PDSS1: variants seen among roughly 807,000 people sequenced by gnomAD.
The protein encoded by PDSS1 is all trans-polyprenyl-diphosphate synthase PDSS1.
In PDSS1, 43 loss-of-function variants were observed where a neutral mutation model predicts 57.5. That is an observed-to-expected ratio of 0.75 (90% confidence interval 0.59 to 0.96). The LOEUF is 0.96. Among genes scored for constraint, PDSS1 ranks in the 50% least tolerant of loss-of-function variants. PDSS1 has a pLI of 0.00. For synonymous variants in PDSS1, 175 were observed against 191.3 expected, an observed-to-expected ratio of 0.91 and a Z score of 0.70; for missense variants, 438 against 527.8, an observed-to-expected ratio of 0.83 and a Z score of 1.67.
chr10:26,727,595 A>T (rs1387475708), intron 8 of PDSS1, among the ~76,000 whole-genome samples: 1 of 151,538 alleles, frequency 6.6e-6, no homozygotes, highest in Non-Finnish European at 1.5e-5. Context: ...TCCCAGGTTC[A>T]AGTGATTCTC....
Position 26,746,389 on chromosome 10 carries a change from A to G in PDSS1, c.1164A>G (p.Ile388Met). Residue 388 changes from isoleucine (I) to methionine (M), a missense_variant, in exon 12 of 12, where the codon ATA becomes ATG. Coordinates refer to ENST00000376215, the MANE Select transcript of PDSS1 (RefSeq NM_014317.5). ...CCCAGCAGTACTGCCATGAAGCAAT[A>G]AGAGAGATCAGTAAACTTCGACCAT... ...YLAQQYCHEAIREISKLRPSP... is the reference protein window; with the variant it reads ...YLAQQYCHEAMREISKLRPSP... 1 of 1,614,044 alleles carries G rather than the reference A, an allele frequency of 6.2e-7. No individual in the cohort carries two copies. The highest frequency in any genetic ancestry group is 8.5e-7 in the Non-Finnish European group (1 of 1,179,904).
chr10:26,699,689 G>A (rs1035653085), intron 1 of PDSS1, among the ~76,000 whole-genome samples: 5 of 152,066 alleles, frequency 3.3e-5, no homozygotes, highest in Admixed American at 1.3e-4. Context: ...GAGCCACCAC[G>A]CCTGGCCTGA....
At chr10:26,739,320 CAG>C (rs1359054974) in intron 10 of PDSS1, among the ~76,000 whole-genome samples, 1 of 152,202 alleles carries the variant, frequency 6.6e-6, no homozygotes. Context: ...CCTGAGCAAA[CAG>C]AATTTTTATT....
chr10:26,705,300 C>T lies in PDSS1; in HGVS notation c.242C>T (p.Thr81Ile). 1.9e-6 allele frequency: 3 copies of T among 1,609,254 alleles called. No homozygotes were observed. The highest frequency in any genetic ancestry group is 2.6e-6 in the Non-Finnish European group (3 of 1,175,816). Residue 81 changes from threonine (T) to isoleucine (I), a missense_variant, in exon 4 of 12, where the codon ACC becomes ATC. Around this residue, in one of 2 missense-constraint regions of PDSS1, gnomAD observed 154 missense variants for 137.0 expected, o/e 1.12. Coordinates refer to ENST00000376215, the MANE Select transcript of PDSS1 (RefSeq NM_014317.5). ...GCATGTCCCAGGTTTCATCACACAA[C>T]CCCAGACAGTAAAACACACAGTGGT... ...VCRISRFHHT[T>I]PDSKTHSGEK...
At chr10:26,710,154 TAA>T (rs1369987440) in intron 5 of PDSS1, among the ~76,000 whole-genome samples, 1 of 42,676 alleles carries the variant, frequency 2.3e-5, no homozygotes. Context: ...ACTCTTGTCT[TAA>T]AAAAAAAAAA....
intron 5 of PDSS1, among the ~76,000 whole-genome samples, chr10:26,714,286 C>T (rs979409500): frequency 1.3e-5 from 2 of 152,058 alleles, no homozygotes; most frequent in Non-Finnish European, 2.9e-5. Context: ...CTAGCCTGGC[C>T]AACATGGTGA....
intron 1 of PDSS1, among the ~76,000 whole-genome samples, 168 bp downstream of exon 1, chr10:26,698,008 G>A (rs1245576275): frequency 2.6e-5 from 4 of 151,818 alleles, no homozygotes; most frequent in Non-Finnish European, 4.4e-5. Context: ...GGTGCTCGCG[G>A]TGGGACGGAG....
At chr10:26,742,671 T>C in intron 11 of PDSS1, 94 bp downstream of exon 11, 2 of 753,036 alleles carry the variant, frequency 2.7e-6, no homozygotes, top group East Asian at 2.6e-5. Context: ...CATTAAATTA[T>C]AGATACAAGA....
At chr10:26,739,268 C>CA (rs1481062336) in intron 10 of PDSS1, among the ~76,000 whole-genome samples, 2 of 152,160 alleles carry the variant, frequency 1.3e-5, no homozygotes, top group Non-Finnish European at 2.9e-5. Flanking sequence ...GAGTTACAAC[C>CA]CGATTTATCC....
At chr10:26,723,980 C>T (rs1362618971) in intron 7 of PDSS1, 34 bp from the exon 8 acceptor site, 5 of 1,587,116 alleles carry the variant, frequency 3.2e-6, no homozygotes, top group Non-Finnish European at 4.3e-6. Context: ...GGCAATAAAG[C>T]CACCTCTCAA....
In PDSS1 at chr10:26,723,791, CCT is replaced by C. The variant is rs780525379; in HGVS notation, c.610-14_610-13del. 1.9e-5 allele frequency: 29 copies of C among 1,553,302 alleles called. No individual in the cohort carries two copies. The highest frequency in any genetic ancestry group is 1.2e-4 in the Admixed American group (7 of 59,938). ...ATTTTTCAGAACGTTCTGTTTTCCC[CCT>C]GTCTTTTTCTAGGCTGTTCTTGCTG... On this transcript the variant is annotated splice_polypyrimidine_tract_variant and intron_variant, in intron 6 of 11. Transcript: ENST00000376215.
intron 11 of PDSS1, among the ~76,000 whole-genome samples, chr10:26,743,298 A>G (rs890547264): frequency 1.3e-5 from 2 of 152,202 alleles, no homozygotes; most frequent in African/African-American, 4.8e-5. Flanking sequence ...TTTGCAGCCA[A>G]CAGATCTACT....
chr10:26,697,869 G>T (rs1156866893), intron 1 of PDSS1, 29 bp downstream of exon 1: 1 of 1,272,798 alleles, frequency 7.9e-7, no homozygotes, highest in Non-Finnish European at 9.9e-7. Flanking sequence ...CGCCCGGCGG[G>T]GCTCAGAGGT....
chr10:26,698,493 C>G (rs984826060), intron 1 of PDSS1, among the ~76,000 whole-genome samples: 4 of 152,080 alleles, frequency 2.6e-5, no homozygotes, highest in Non-Finnish European at 4.4e-5. Flanking sequence ...CAGCGATAGC[C>G]CATTCTTTCA....
intron 5 of PDSS1, among the ~76,000 whole-genome samples, chr10:26,718,529 G>A (rs1449784941): frequency 6.6e-6 from 1 of 152,128 alleles, no homozygotes; most frequent in African/African-American, 2.4e-5. Flanking sequence ...GGGAAGCTGA[G>A]GTGGGTGGAT....
chr10:26,708,218 C>T (rs562036691), intron 4 of PDSS1, among the ~76,000 whole-genome samples: 1 of 152,212 alleles, frequency 6.6e-6, no homozygotes, highest in Non-Finnish European at 1.5e-5. Flanking sequence ...ACTGAATGAA[C>T]GATGGGCCCA....
At chr10:26,741,475 GA>G (rs1285706733) in intron 10 of PDSS1, among the ~76,000 whole-genome samples, 12 of 151,840 alleles carry the variant, frequency 7.9e-5, no homozygotes, top group African/African-American at 2.4e-4. Flanking sequence ...GATGGAGCAA[GA>G]CTCCATCACA....
intron 8 of PDSS1, among the ~76,000 whole-genome samples, chr10:26,730,641 A>G (rs1836156526): frequency 6.6e-6 from 1 of 152,028 alleles, no homozygotes; most frequent in Non-Finnish European, 1.5e-5. Context: ...AATAAAAGAC[A>G]TTAATGTAGC....
chr10:26,709,629 T>G lies in PDSS1; in HGVS notation c.337-9T>G. On this transcript the variant is annotated splice_polypyrimidine_tract_variant and intron_variant, in intron 4 of 11. Coordinates refer to ENST00000376215, the MANE Select transcript of PDSS1 (RefSeq NM_014317.5). ...GATGCCATTGTGACACAGAGAAACT[T>G]TATTTCAGGAACTGCTTATATCAAC... The G allele has an allele frequency of 1.2e-6, 2 of 1,613,710 alleles. No homozygotes were observed. Among genetic ancestry groups the G allele is most frequent in the Non-Finnish European group, 1.7e-6 (2 of 1,179,652 alleles).
Sources: allele counts gnomAD v4.1 joint callset (sites outside exome capture counted in the v4.1 genomes callset), GRCh38; gene constraint gnomAD v4.1.1; regional missense constraint gnomAD v4.1.1; transcripts MANE v1.5; gene names NCBI Gene and HGNC (gene_info 2026-07-23, HGNC 2026-07-21).